PPP1R9A: variants seen among roughly 807,000 people sequenced by gnomAD.
The protein encoded by PPP1R9A is neurabin-1.
Under a neutral mutation model 141.9 loss-of-function variants are expected in PPP1R9A, and 59 were observed. That is an observed-to-expected ratio of 0.42 (90% CI 0.34 to 0.52). PPP1R9A has a LOEUF of 0.52. Ranked by LOEUF, PPP1R9A falls within the 20% of genes least tolerant of loss-of-function variation. The pLI is 0.10. For synonymous variants in PPP1R9A, 500 were observed against 569.7 expected (o/e 0.88, Z 1.74); for missense variants, 1,444 against 1,611.9 (o/e 0.90, Z 1.78).
intron 3 of PPP1R9A, among the ~76,000 whole-genome samples, chr7:95,118,746 A>G (rs1480320719): frequency 6.7e-6 from 1 of 149,174 alleles, no homozygotes; most frequent in Non-Finnish European, 1.5e-5. Flanking sequence ...CTGAGGCAGG[A>G]GATTGCTTGA....
intron 5 of PPP1R9A, among the ~76,000 whole-genome samples, chr7:95,163,952 G>A (rs1414666132): frequency 2.6e-5 from 4 of 152,146 alleles, no homozygotes; most frequent in Non-Finnish European, 4.4e-5. Flanking sequence ...TGGCCAGGCT[G>A]GTCTTGAACT....
At chr7:95,257,989 G>A (rs1316094643) in intron 12 of PPP1R9A, among the ~76,000 whole-genome samples, 1 of 152,128 alleles carries the variant, frequency 6.6e-6, no homozygotes, top group African/African-American at 2.4e-5. Flanking sequence ...GTGTGCATGT[G>A]TCTTAATAGC....
intron 2 of PPP1R9A, among the ~76,000 whole-genome samples, chr7:94,955,017 A>G (rs189478660): frequency 6.6e-6 from 1 of 151,812 alleles, no homozygotes; most frequent in African/African-American, 2.4e-5. Flanking sequence ...TTAGATTTTT[A>G]AAAAAACTTT....
At chr7:95,275,339 C>T (rs1355943079) in intron 16 of PPP1R9A, among the ~76,000 whole-genome samples, 7 of 144,114 alleles carry the variant, frequency 4.9e-5, no homozygotes, top group Non-Finnish European at 8.9e-5. Context: ...ACCCGGGAGG[C>T]GGAGGTTTGA....
intron 2 of PPP1R9A, among the ~76,000 whole-genome samples, chr7:95,037,696 T>TGTGC (rs10693951): frequency 0.085 from 12,943 of 151,478 alleles, 616 homozygotes; most frequent in East Asian, 0.14. Context: ...ATGCTGTGTG[T>TGTGC]GTGCGTGCGC....
intron 8 of PPP1R9A, among the ~76,000 whole-genome samples, chr7:95,243,983 G>T (rs925748966): frequency 3.3e-5 from 5 of 152,110 alleles, no homozygotes. Context: ...TTCAGTTAGT[G>T]TATTTTGATG....
In PPP1R9A at chr7:95,288,636, A is replaced by C; in HGVS notation, c.3830A>C (p.Asn1277Thr). The change falls in exon 19 of 20, where the codon AAT (asparagine) becomes ACT (threonine). Residue 1277 changes from asparagine to threonine, a missense_variant. Physicochemically the swap from Asn to Thr is moderately conservative, Grantham distance 65. Around this residue, in one of 5 missense-constraint regions of PPP1R9A, gnomAD observed 459 missense variants for 513.8 expected, o/e 0.89. Coordinates refer to ENST00000433360, the MANE Select transcript of PPP1R9A (RefSeq NM_001166160.2). ...QQVSHWLMSL[N>T]LEQYVSEFSA... is the part of the protein sequence containing the mutation. ...GTTTCTCACTGGTTAATGAGCCTAA[A>C]TCTGGAGCAGTATGTATCTGAATTC... 1.2e-6 allele frequency: 2 copies of C among 1,614,146 alleles called. No homozygotes were observed. Among genetic ancestry groups the C allele is most frequent in the Non-Finnish European group, 1.7e-6 (2 of 1,180,018 alleles).
intron 2 of PPP1R9A, among the ~76,000 whole-genome samples, chr7:94,927,339 G>C (rs915955674): frequency 2.0e-5 from 3 of 152,006 alleles, no homozygotes; most frequent in African/African-American, 7.2e-5. Flanking sequence ...TTTAATAAAA[G>C]CACCTTTTAG....
intron 8 of PPP1R9A, among the ~76,000 whole-genome samples, chr7:95,233,950 G>C (rs1279170496): frequency 6.6e-6 from 1 of 152,170 alleles, no homozygotes; most frequent in African/African-American, 2.4e-5. Context: ...CTCAATAGAT[G>C]CAGAAAAAAG....
intron 16 of PPP1R9A, among the ~76,000 whole-genome samples, chr7:95,280,019 G>A (rs1803875707): frequency 6.6e-6 from 1 of 152,086 alleles, no homozygotes; most frequent in Non-Finnish European, 1.5e-5. Flanking sequence ...AACTATTATT[G>A]ATTAGATCAG....
chr7:94,911,206 G>A lies in PPP1R9A; in HGVS notation c.1093G>A (p.Ala365Thr). 1 of 1,614,206 alleles carries A rather than the reference G, an allele frequency of 6.2e-7. No individual in the cohort carries two copies. The highest frequency in any genetic ancestry group is 2.2e-5 in the East Asian group (1 of 44,878). The stretch of plus-strand genomic sequence containing the variant: ...AGCAAAGCAACAGAGGAAAGAACTT[G>A]CAGGTGGTGATTTCACCTCTCCTGA... ...EAAKQQRKELAGGDFTSPDAS... is the reference protein window; with the variant it reads ...EAAKQQRKELTGGDFTSPDAS... The change falls in exon 2 of 20, where the codon GCA becomes ACA. Residue 365 changes from alanine (A) to threonine (T), a missense_variant. Physicochemically the swap from Ala to Thr is moderately conservative, Grantham distance 58. Transcript: ENST00000433360.
At chr7:94,983,255 A>G (rs146121639) in intron 2 of PPP1R9A, among the ~76,000 whole-genome samples, 469 of 152,268 alleles carry the variant, frequency 3.1e-3, no homozygotes, top group African/African-American at 0.011. Context: ...GTTTGAAGTC[A>G]GGTAACTTGA....
intron 2 of PPP1R9A, among the ~76,000 whole-genome samples, chr7:95,044,194 C>T (rs890222909): frequency 2.6e-5 from 4 of 152,176 alleles, no homozygotes; most frequent in African/African-American, 9.6e-5. Flanking sequence ...ACTGCTCCCT[C>T]TTGCCTCAGA....
At chr7:95,141,778 T>A (rs1225720606) in intron 4 of PPP1R9A, among the ~76,000 whole-genome samples, 1 of 152,230 alleles carries the variant, frequency 6.6e-6, no homozygotes, top group African/African-American at 2.4e-5. Flanking sequence ...TGATATTAGT[T>A]GATGGATATT....
At chr7:95,188,601 T>G (rs2374982) in intron 5 of PPP1R9A, among the ~76,000 whole-genome samples, 1 of 25,384 alleles carries the variant, frequency 3.9e-5, no homozygotes, top group Non-Finnish European at 6.8e-5. Flanking sequence ...TTGTGTTTTG[T>G]TTTTTTTTTT....
chr7:95,067,963 A>T (rs1367088839), intron 2 of PPP1R9A, among the ~76,000 whole-genome samples: 1 of 151,214 alleles, frequency 6.6e-6, no homozygotes, highest in Non-Finnish European at 1.5e-5. Context: ...AAACTATGAA[A>T]CAGCCCCACC....
At chr7:95,129,042 G>T (rs140001783) in intron 4 of PPP1R9A, among the ~76,000 whole-genome samples, 10 of 152,086 alleles carry the variant, frequency 6.6e-5, no homozygotes, top group Non-Finnish European at 1.2e-4. Flanking sequence ...TGAAAGCTAG[G>T]GGTCCAGTTG....
chr7:95,043,980 A>G (rs1269214022), intron 2 of PPP1R9A, among the ~76,000 whole-genome samples: 1 of 152,250 alleles, frequency 6.6e-6, no homozygotes, highest in East Asian at 1.9e-4. Context: ...AAATAAGATT[A>G]GTGGATCACT....
At chr7:95,043,585 T>C (rs1255041781) in intron 2 of PPP1R9A, among the ~76,000 whole-genome samples, 1 of 152,136 alleles carries the variant, frequency 6.6e-6, no homozygotes, top group East Asian at 1.9e-4. Flanking sequence ...GTACCCCCTC[T>C]AGCATGACCC....
Sources: gnomAD v4.1 joint callset for allele counts (sites outside exome capture counted in the v4.1 genomes callset) on GRCh38, gnomAD v4.1.1 for gene constraint, gnomAD v4.1.1 regional missense constraint, MANE v1.5 for transcripts, NCBI Gene and HGNC (gene_info 2026-07-23, HGNC 2026-07-21) for gene names.